PPFIBP2: variants seen among roughly 807,000 people sequenced by gnomAD.
PPFIBP2 encodes the protein PPFIB scaffold protein 2, also known as liprin-beta-2.
In PPFIBP2, 118 loss-of-function variants were observed where a neutral mutation model predicts 118.3. The ratio of observed to expected loss-of-function variants is 1.00; its 90% CI spans 0.86 to 1.16. The LOEUF is 1.16. PPFIBP2 is among the 50% of genes most tolerant of loss of function. The probability of loss-of-function intolerance (pLI) is 0.00; values close to 1 mark genes in which losing one functional copy is unlikely to be tolerated. For missense variants in PPFIBP2, 1,195 were observed against 1,073.1 expected (o/e 1.11, Z -1.59); for synonymous variants, 414 against 397.4 (o/e 1.04, Z -0.50).
intron 3 of PPFIBP2, among the ~76,000 whole-genome samples, chr11:7,582,571 T>C (rs1352529675): frequency 6.6e-6 from 1 of 152,170 alleles, no homozygotes; most frequent in African/African-American, 2.4e-5. Context: ...ATTGTTGGTT[T>C]TGTGGACTGG....
At position 7,650,923 on chromosome 11, in the gene PPFIBP2, T is replaced by G. The variant is rs1349173825; in HGVS notation, c.2205T>G (p.Tyr735Ter). 1.9e-6 allele frequency: 3 copies of G among 1,614,148 alleles called. No individual in the cohort carries two copies. The highest frequency in any genetic ancestry group is 2.5e-6 in the Non-Finnish European group (3 of 1,179,996). ...EWLRSVDLAE[Y>*]APNLRGSGVH... ...TACGATCTGTGGACCTGGCAGAGTA[T>G]GCACCCAATCTTCGAGGGAGTGGAG... Residue 735 changes from tyrosine to a stop codon, truncating the protein, a stop_gained, in exon 22 of 24, where the codon TAT (tyrosine) becomes TAG (stop). Transcript: ENST00000299492. LOFTEE classifies it high-confidence loss of function.
At chr11:7,551,034 T>TATATCTATAGATATAGATATCTATAG (rs1852919703) in intron 2 of PPFIBP2, among the ~76,000 whole-genome samples, 1 of 152,036 alleles carries the variant, frequency 6.6e-6, no homozygotes, top group Non-Finnish European at 1.5e-5. Context: ...CCTTTATATC[T>TATATCTATAGATATAGATATCTATAG]ATATCTATAG....
intron 1 of PPFIBP2, among the ~76,000 whole-genome samples, chr11:7,531,284 C>T (rs1344815670): frequency 6.6e-6 from 1 of 152,202 alleles, no homozygotes; most frequent in Non-Finnish European, 1.5e-5. Context: ...ACCAACCCTT[C>T]CCCTGCCTCC....
chr11:7,655,616 C>A, downstream of PPFIBP2: 1 of 841,078 alleles, frequency 1.2e-6, no homozygotes, highest in Non-Finnish European at 1.7e-6. Flanking sequence ...GTGCTTAGTG[C>A]TGGGGTCACA....
At chr11:7,628,911 G>T (rs374706014) in intron 9 of PPFIBP2, among the ~76,000 whole-genome samples, 2 of 152,106 alleles carry the variant, frequency 1.3e-5, no homozygotes, top group African/African-American at 4.8e-5. Flanking sequence ...TTGGCCCAAG[G>T]TCAGGTAACT....
chr11:7,647,789 TCTCTAA>T (rs1325314433), intron 17 of PPFIBP2, among the ~76,000 whole-genome samples: 5 of 152,354 alleles, frequency 3.3e-5, no homozygotes, highest in Middle Eastern at 3.4e-3. Flanking sequence ...TTCTTATTTA[TCTCTAA>T]TACTGGCTAT....
intron 3 of PPFIBP2, among the ~76,000 whole-genome samples, chr11:7,581,283 G>T (rs368865941): frequency 1.3e-5 from 2 of 152,316 alleles, no homozygotes; most frequent in African/African-American, 4.8e-5. Context: ...TCCGAGCAGG[G>T]TCTGTGGGAC....
chr11:7,625,944 C>T (rs1565081373), intron 8 of PPFIBP2, 53 bp downstream of exon 8: 2 of 1,417,650 alleles, frequency 1.4e-6, no homozygotes, highest in African/African-American at 1.4e-5. Context: ...TGGGTCTACT[C>T]TTATAAGTGA....
intron 1 of PPFIBP2, among the ~76,000 whole-genome samples, chr11:7,517,037 A>G (rs1849290101): frequency 6.6e-6 from 1 of 152,138 alleles, no homozygotes; most frequent in African/African-American, 2.4e-5. Context: ...TTCTTGAGAG[A>G]TGTGTTGGTA....
At chr11:7,597,091 C>T in intron 4 of PPFIBP2, 4 of 1,216,502 alleles carry the variant, frequency 3.3e-6, no homozygotes, top group Non-Finnish European at 4.4e-6. Context: ...TGCATCAAAA[C>T]ACTCACCTGA....
At chr11:7,595,117 C>T (rs1418131352) in intron 4 of PPFIBP2, among the ~76,000 whole-genome samples, 4 of 152,086 alleles carry the variant, frequency 2.6e-5, no homozygotes, top group Non-Finnish European at 4.4e-5. Flanking sequence ...CCAGGCAGAG[C>T]AGGCAGTCAG....
chr11:7,591,262 T>C (rs1382832034), intron 3 of PPFIBP2, among the ~76,000 whole-genome samples: 1 of 151,992 alleles, frequency 6.6e-6, no homozygotes, highest in Non-Finnish European at 1.5e-5. Flanking sequence ...TTGCCTTTGG[T>C]CTTCTCTCCT....
In PPFIBP2 at chr11:7,649,521, T is replaced by G. The variant is rs11607941; in HGVS notation, c.1999-11T>G. 0.2 allele frequency: 322,329 copies of G among 1,613,280 alleles called. 34,423 individuals are homozygous for G. Among genetic ancestry groups the G allele is most frequent in the African/African-American group, 0.4 (29,842 of 74,864 alleles). On this transcript the variant is annotated splice_polypyrimidine_tract_variant and intron_variant, in intron 20 of 23. Coordinates refer to ENST00000299492, the MANE Select transcript of PPFIBP2 (RefSeq NM_003621.5). ...AAACTCTGGTTTATAAACCAAACTT[T>G]CCTCTTTCAGAACGATTTACTCTTC...
intron 5 of PPFIBP2, among the ~76,000 whole-genome samples, chr11:7,604,647 G>A (rs1009304380): frequency 3.9e-5 from 6 of 152,112 alleles, no homozygotes; most frequent in African/African-American, 9.7e-5. Context: ...GGGAGTTGAC[G>A]GTGTTAGCTT....
intron 1 of PPFIBP2, among the ~76,000 whole-genome samples, chr11:7,516,530 G>C (rs530864887): frequency 1.3e-5 from 2 of 152,258 alleles, no homozygotes; most frequent in South Asian, 4.2e-4. Context: ...CGAACCCCGA[G>C]AGCCTGCCAA....
chr11:7,591,421 G>A (rs909428887), intron 3 of PPFIBP2, among the ~76,000 whole-genome samples: 1 of 126,804 alleles, frequency 7.9e-6, no homozygotes, highest in Non-Finnish European at 1.8e-5. Context: ...CATCATGTGA[G>A]TTCTTTGACA....
chr11:7,553,911 A>G (rs1853279722), intron 2 of PPFIBP2, among the ~76,000 whole-genome samples: 1 of 152,098 alleles, frequency 6.6e-6, no homozygotes, highest in South Asian at 2.1e-4. Context: ...TGAGGGAAGG[A>G]TACTTTTCTG....
intron 10 of PPFIBP2, among the ~76,000 whole-genome samples, 190 bp downstream of exon 10, chr11:7,629,724 A>T (rs1246324120): frequency 6.6e-6 from 1 of 152,200 alleles, no homozygotes; most frequent in Non-Finnish European, 1.5e-5. Context: ...AATACTACCA[A>T]ATGGAAGTCA....
At chr11:7,577,686 G>A (rs760373445) in intron 3 of PPFIBP2, 27 of 454,850 alleles carry the variant, frequency 5.9e-5, no homozygotes, top group Non-Finnish European at 6.6e-5. Context: ...ATAAGTGAGG[G>A]GGAGACGCTT....
Sources: gnomAD v4.1 joint callset for allele counts (sites outside exome capture counted in the v4.1 genomes callset) on GRCh38, gnomAD v4.1.1 for gene constraint, MANE v1.5 for transcripts, NCBI Gene and HGNC (gene_info 2026-07-23, HGNC 2026-07-21) for gene names.